Variants in IL1RAPL2 observed in about 807,000 individuals in gnomAD.
The protein encoded by IL1RAPL2 is X-linked interleukin-1 receptor accessory protein-like 2.
IL1RAPL2 carries 3 observed loss-of-function variants against 44.1 expected under a neutral mutation model. The observed-to-expected ratio is 0.07, with a 90% CI of 0.03 to 0.18. IL1RAPL2 has a LOEUF of 0.18. Ranked by LOEUF, IL1RAPL2 falls within the 10% of genes least tolerant of loss-of-function variation. The pLI, the probability that IL1RAPL2 is intolerant of heterozygous loss-of-function variation, is 1.00. For synonymous variants in IL1RAPL2, 181 were observed against 178.8 expected (o/e 1.01, Z -0.10); for missense variants, 391 against 496.4 (o/e 0.79, Z 2.02).
chrX:105,395,539 T>C (rs1473747110), intron 5 of IL1RAPL2, among the ~76,000 whole-genome samples: 2 of 110,856 alleles, frequency 1.8e-5, no homozygotes, highest in African/African-American at 3.3e-5. Context: ...ACATCATATA[T>C]CTTCAGTACA....
intron 2 of IL1RAPL2, among the ~76,000 whole-genome samples, chrX:105,119,813 AATAC>A (rs1271726606): frequency 1.8e-5 from 2 of 111,361 alleles, no homozygotes; most frequent in Non-Finnish European, 3.8e-5. Flanking sequence ...TAATGTATCA[AATAC>A]ATCCATTATT....
chrX:104,781,996 G>A (rs1471755789), intron 2 of IL1RAPL2, among the ~76,000 whole-genome samples: 1 of 111,814 alleles, frequency 8.9e-6, no homozygotes, highest in Non-Finnish European at 1.9e-5. Context: ...CTTCTGCCAT[G>A]TGAGGATACA....
At chrX:104,860,121 G>T (rs1922456472) in intron 2 of IL1RAPL2, among the ~76,000 whole-genome samples, 1 of 111,727 alleles carries the variant, frequency 9.0e-6, no homozygotes, top group South Asian at 3.7e-4. Context: ...GATTAATTAA[G>T]TCAGGCTGTC....
intron 2 of IL1RAPL2, among the ~76,000 whole-genome samples, chrX:104,976,709 G>T (rs931885937): frequency 9.1e-6 from 1 of 110,066 alleles, no homozygotes; most frequent in South Asian, 3.9e-4. Context: ...CCAAATGCCC[G>T]AAACCTCAGA....
chrX:104,687,372 G>A (rs921408748), intron 2 of IL1RAPL2, among the ~76,000 whole-genome samples: 1 of 111,073 alleles, frequency 9.0e-6, no homozygotes, highest in Non-Finnish European at 1.9e-5. Context: ...AGAAAGGAGT[G>A]GGGGGAGGTG....
intron 1 of IL1RAPL2, among the ~76,000 whole-genome samples, chrX:104,627,424 T>G (rs1005406817): frequency 1.8e-5 from 2 of 108,509 alleles, no homozygotes; most frequent in East Asian, 3.0e-4. Flanking sequence ...ATGGCACATG[T>G]ATACATATGT....
At chrX:105,009,114 G>A (rs2030998632) in intron 2 of IL1RAPL2, among the ~76,000 whole-genome samples, 1 of 111,649 alleles carries the variant, frequency 9.0e-6, no homozygotes, top group South Asian at 3.8e-4. Context: ...TGCTGGAGAG[G>A]ATGTGGAGAA....
intron 2 of IL1RAPL2, among the ~76,000 whole-genome samples, chrX:104,835,883 AC>A (rs779953146): frequency 8.9e-6 from 1 of 111,787 alleles, no homozygotes; most frequent in Non-Finnish European, 1.9e-5. Context: ...GCCAGACATA[AC>A]ATTGTAGTTG....
chrX:105,227,448 A>G (rs1408743456), intron 3 of IL1RAPL2, among the ~76,000 whole-genome samples: 1 of 112,278 alleles, frequency 8.9e-6, no homozygotes, highest in East Asian at 2.8e-4. Flanking sequence ...TTACAACTGT[A>G]CAAGCCTAGA....
At chrX:104,948,723 T>G (rs1925470859) in intron 2 of IL1RAPL2, among the ~76,000 whole-genome samples, 1 of 110,731 alleles carries the variant, frequency 9.0e-6, no homozygotes, top group Non-Finnish European at 1.9e-5. Flanking sequence ...ATTACGTTTA[T>G]TGATTTGTGT....
At chrX:105,699,741 A>AT (rs1351331963) in intron 6 of IL1RAPL2, among the ~76,000 whole-genome samples, 1 of 111,077 alleles carries the variant, frequency 9.0e-6, no homozygotes, top group African/African-American at 3.3e-5. Flanking sequence ...AGGCTTATTT[A>AT]TTTTTAACAT....
chrX:104,684,022 C>G (rs1159698526), intron 2 of IL1RAPL2, among the ~76,000 whole-genome samples: 1 of 111,839 alleles, frequency 8.9e-6, no homozygotes, highest in Non-Finnish European at 1.9e-5. Flanking sequence ...TACATTTTAT[C>G]ATTTTATTAT....
At position 105,740,516 on chromosome X, in the gene IL1RAPL2, A is replaced by G. The variant is rs367986825; in HGVS notation, c.903-30A>G. ...GCTGCTTTCTCCCCAAATCAAGCCA[A>G]TTCAGCCAAGAATACCGTCTTTATT... On this transcript the variant is annotated intron_variant, in intron 7 of 10. Transcript: ENST00000372582. The G allele has an allele frequency of 3.0e-5, 36 of 1,200,947 alleles. No homozygotes were observed. The African/African-American group carries it at 5.1e-4, about 17-fold the overall frequency.
chrX:104,887,382 G>A (rs1476513865), intron 2 of IL1RAPL2, among the ~76,000 whole-genome samples: 5 of 112,263 alleles, frequency 4.5e-5, no homozygotes, highest in East Asian at 2.8e-4. Flanking sequence ...ACTTAGACTC[G>A]TGGGACAACC....
chrX:105,283,506 A>T (rs994194730), intron 5 of IL1RAPL2, among the ~76,000 whole-genome samples: 1 of 110,785 alleles, frequency 9.0e-6, no homozygotes, highest in Non-Finnish European at 1.9e-5. Context: ...TAAAAAGTAG[A>T]CAGATTTAAG....
intron 2 of IL1RAPL2, among the ~76,000 whole-genome samples, chrX:105,160,032 TATTTGCTTTC>T (rs1255111377): frequency 5.5e-5 from 5 of 91,487 alleles, no homozygotes; most frequent in African/African-American, 2.3e-4. Flanking sequence ...GTAACAAAAA[TATTTGCTTTC>T]ACAAAGCGTA....
intron 2 of IL1RAPL2, among the ~76,000 whole-genome samples, chrX:104,903,768 G>A (rs949567725): frequency 8.2e-5 from 9 of 109,658 alleles, no homozygotes; most frequent in African/African-American, 3.0e-4. Context: ...TAGTAGAAGC[G>A]GGATTTTGCC....
Position 105,702,836 on chromosome X carries a change from C to G in IL1RAPL2, c.773-14531C>G, listed in dbSNP as rs141213790. The stretch of plus-strand genomic sequence containing the variant: ...AGTCTGCATTCATATTTCTATGAGC[C>G]TTGAAAAGAGAAAAGATGATCTGGT... On this transcript the variant is annotated intron_variant, in intron 6 of 10. Transcript: ENST00000372582. Among the ~76,000 whole-genome samples the G allele has an allele frequency of 6.8e-3, 755 of 111,568 alleles. 6 individuals carry two copies. The highest frequency in any genetic ancestry group is 0.023 in the African/African-American group (710 of 30,740).
At chrX:104,647,957 G>T (rs1930078771) in intron 1 of IL1RAPL2, 1 of 821,581 alleles carries the variant, frequency 1.2e-6, no homozygotes, top group Admixed American at 2.3e-5. Flanking sequence ...AACAGCTAAG[G>T]CCAGGCCAAA....
Sources: gnomAD v4.1 joint callset for allele counts (sites outside exome capture counted in the v4.1 genomes callset) on GRCh38, gnomAD v4.1.1 for gene constraint, MANE v1.5 for transcripts, NCBI Gene and HGNC (gene_info 2026-07-23, HGNC 2026-07-21) for gene names.